Variants in PHF8 observed in about 807,000 individuals in gnomAD.
PHF8 encodes histone lysine demethylase PHF8.
A neutral mutation model predicts 74.4 loss-of-function variants in PHF8; 9 were observed. The ratio of observed to expected loss-of-function variants is 0.12; its 90% CI spans 0.07 to 0.21. The LOEUF (loss-of-function observed/expected upper bound fraction) is 0.21. PHF8 is among the 10% of genes least tolerant of loss of function. PHF8 has a pLI of 1.00. For synonymous variants in PHF8, 311 were observed against 316.6 expected (o/e 0.98, Z 0.19); for missense variants, 478 against 816.6 (o/e 0.59, Z 5.05).
At chrX:53,945,888 A>G (rs782443033) in intron 19 of PHF8, among the ~76,000 whole-genome samples, 2 of 112,368 alleles carry the variant, frequency 1.8e-5, no homozygotes, top group Non-Finnish European at 3.7e-5. Context: ...GATACATAGC[A>G]CATACCACCT....
At chrX:54,045,040 T>C, upstream of PHF8, 1 of 534,823 alleles carries the variant, frequency 1.9e-6, no homozygotes, top group South Asian at 3.1e-5. Context: ...ACGTTGAACC[T>C]TGTGCCCTGT....
In PHF8 at chrX:53,955,557, C is replaced by CTT. The variant is rs369969712; in HGVS notation, c.2539+7285_2539+7286dup. ...ACATCATGATTTGGTCTCTTCTTTTCTTTTTTTTTTTTTTTTTTTTAATTT... is the reference window on the plus strand; with the variant it reads ...ACATCATGATTTGGTCTCTTCTTTTCTTTTTTTTTTTTTTTTTTTTTTAATTT... On this transcript the variant is annotated intron_variant, in intron 19 of 21. Coordinates refer to ENST00000338154, the MANE Select transcript of PHF8 (RefSeq NM_015107.3). Among the ~76,000 whole-genome samples, 679 of 72,918 alleles carry CTT rather than the reference C, an allele frequency of 9.3e-3. 9 individuals carry two copies. The highest frequency in any genetic ancestry group is 0.025 in the African/African-American group (482 of 19,105). 63.3% of individuals were successfully genotyped at this position (72,918 alleles called of 115,157 possible).
chrX:54,044,410 G>T lies in PHF8; in HGVS notation c.-741C>A. The T allele has an allele frequency of 2.7e-6, 2 of 753,279 alleles. No individual in the cohort carries two copies. Among genetic ancestry groups the T allele is most frequent in the South Asian group, 1.3e-4 (2 of 14,874 alleles). The allele number at this position is 753,279 out of a possible 1,213,427, so 62.1% of individuals were successfully genotyped here. A position where few individuals can be genotyped will look rare whatever the true frequency, so the allele number is the denominator to read the frequency against. ...ATACGGGATAAACAGCTACCATGTTGAGAGTGGCGGCGCTACCCAGACAAC... is the reference window on the plus strand; with the variant it reads ...ATACGGGATAAACAGCTACCATGTTTAGAGTGGCGGCGCTACCCAGACAAC... On this transcript the variant is annotated 5_prime_UTR_variant, in exon 1 of 22. It introduces an in-frame stop codon into an upstream open reading frame of the 5' UTR. Coordinates refer to ENST00000338154, the MANE Select transcript of PHF8 (RefSeq NM_015107.3).
intron 19 of PHF8, 50 bp downstream of exon 19, chrX:53,962,794 T>C: frequency 1.4e-6 from 1 of 697,632 alleles, no homozygotes; most frequent in Non-Finnish European, 2.3e-6. Context: ...ACCTTGTCTA[T>C]TTCCTCCTGA....
intron 17 of PHF8, 89 bp downstream of exon 17, chrX:53,985,727 A>G: frequency 8.4e-7 from 1 of 1,193,064 alleles, no homozygotes; most frequent in Non-Finnish European, 1.1e-6. Context: ...CTCTATAAAT[A>G]TCTACTGATT....
intron 8 of PHF8, 31 bp from the exon 9 acceptor site, chrX:54,002,713 G>T: frequency 5.1e-6 from 5 of 973,988 alleles, no homozygotes; most frequent in Non-Finnish European, 7.4e-6. Context: ...ATCAAAGCTG[G>T]AAGAGGGCCT....
At chrX:53,965,542 G>C (rs1557092259) in intron 18 of PHF8, among the ~76,000 whole-genome samples, 1 of 112,104 alleles carries the variant, frequency 8.9e-6, no homozygotes, top group East Asian at 2.8e-4. Context: ...GGGAGGCTGA[G>C]GCACGAGACT....
intron 19 of PHF8, among the ~76,000 whole-genome samples, chrX:53,949,707 G>A (rs181638846): frequency 9.4e-6 from 1 of 106,350 alleles, no homozygotes; most frequent in African/African-American, 3.4e-5. Flanking sequence ...AGCTACTCAG[G>A]AGGCTGAGGC....
intron 19 of PHF8, among the ~76,000 whole-genome samples, chrX:53,955,896 C>T (rs1345711535): frequency 3.6e-5 from 4 of 111,422 alleles, no homozygotes; most frequent in Admixed American, 9.6e-5. Context: ...ACTTGGTGTT[C>T]TTCTTCATTT....
intron 19 of PHF8, among the ~76,000 whole-genome samples, chrX:53,948,429 C>T (rs2064865514): frequency 9.1e-6 from 1 of 110,470 alleles, no homozygotes; most frequent in Admixed American, 9.6e-5. Flanking sequence ...CCCACCACCC[C>T]GCCCGGCTAA....
rs985208450 is a variant in PHF8, at chrX:53,952,154, G to A, written c.2540-7911C>T. Among the ~76,000 whole-genome samples, 4 of 109,821 alleles carry A rather than the reference G, an allele frequency of 3.6e-5. No individual in the cohort carries two copies. In the Admixed American group the frequency reaches 3.9e-4, roughly 11 times the overall value. The stretch of plus-strand genomic sequence containing the variant: ...AAAAAATTAGCCAGGCGTGGTGGCA[G>A]GCACCTGTAATCCCAGCTACTTGGT... On this transcript the variant is annotated intron_variant, in intron 19 of 21. Transcript: ENST00000338154.
At chrX:54,048,336 G>A (rs782522872), upstream of PHF8, among the ~76,000 whole-genome samples, 3 of 111,839 alleles carry the variant, frequency 2.7e-5, no homozygotes, top group Non-Finnish European at 5.6e-5. Flanking sequence ...ACAAAACAAG[G>A]AGGCTGGAAA....
chrX:54,033,499 G>A (rs1008122481), intron 2 of PHF8, among the ~76,000 whole-genome samples: 1 of 111,688 alleles, frequency 9.0e-6, no homozygotes, highest in Non-Finnish European at 1.9e-5. Flanking sequence ...CAGATCACGA[G>A]GTCAGGAGTT....
Position 53,938,529 on chromosome X carries a change from A to T in PHF8, c.*629T>A, listed in dbSNP as rs148285432. The T allele has an allele frequency of 1.1e-3, 808 of 758,004 alleles. 6 individuals are homozygous for T. In the African/African-American group the frequency reaches 0.017, roughly 16 times the overall value. 62.5% of individuals were successfully genotyped at this position (758,004 alleles called of 1,213,427 possible). ...GGAATCACCTTTCTTTTGAAAGGTA[A>T]GTGAAGTTGGCATTTCTAGGCCACT... On this transcript the variant is annotated 3_prime_UTR_variant, in exon 22 of 22. Transcript: ENST00000338154.
Position 54,025,033 on chromosome X carries a change from C to T in PHF8, c.99-2190G>A, listed in dbSNP as rs781920546. Among the ~76,000 whole-genome samples the T allele has an allele frequency of 3.0e-4, 33 of 109,656 alleles. No individual in the cohort carries two copies. The East Asian group carries it at 7.8e-3, about 26-fold the overall frequency. ...CTGGGACTACAGGCGCCCACCACCA[C>T]GCCCAGCTAATTTTTTGTATTTTTA... On this transcript the variant is annotated intron_variant, in intron 2 of 21. Coordinates refer to ENST00000338154, the MANE Select transcript of PHF8 (RefSeq NM_015107.3).
intron 14 of PHF8, among the ~76,000 whole-genome samples, chrX:53,988,214 C>G (rs2065597692): frequency 8.9e-6 from 1 of 111,955 alleles, no homozygotes; most frequent in Admixed American, 9.5e-5. Context: ...AATGCAATAC[C>G]AGCATAAAGA....
intron 8 of PHF8, among the ~76,000 whole-genome samples, chrX:54,004,632 G>A (rs1405587721): frequency 3.6e-5 from 4 of 111,253 alleles, no homozygotes; most frequent in Non-Finnish European, 5.7e-5. Context: ...TTTTAGAAAT[G>A]AAAAGTACTG....
At chrX:53,970,420 T>C (rs2065274743) in intron 18 of PHF8, among the ~76,000 whole-genome samples, 1 of 112,067 alleles carries the variant, frequency 8.9e-6, no homozygotes, top group South Asian at 3.7e-4. Flanking sequence ...CCAGTGACAC[T>C]ATGAAGCAAC....
At chrX:53,981,122 G>A (rs982810602) in intron 18 of PHF8, among the ~76,000 whole-genome samples, 2 of 112,563 alleles carry the variant, frequency 1.8e-5, no homozygotes, top group Admixed American at 9.5e-5. Flanking sequence ...GCCAAGGCAG[G>A]AGAACTGTTT....
Sources: allele counts gnomAD v4.1 joint callset (sites outside exome capture counted in the v4.1 genomes callset), GRCh38; gene constraint gnomAD v4.1.1; transcripts MANE v1.5; gene names NCBI Gene and HGNC (gene_info 2026-07-23, HGNC 2026-07-21).